GATA4: variants seen among roughly 807,000 people sequenced by gnomAD.
The protein encoded by GATA4 is GATA binding protein 4, also known as transcription factor GATA-4.
Under a neutral mutation model 37.9 loss-of-function variants are expected in GATA4, and 7 were observed. That is an observed-to-expected ratio of 0.18 (90% CI 0.11 to 0.35). The LOEUF is 0.35. GATA4 is among the 10% of genes least tolerant of loss of function. GATA4 has a pLI of 1.00. For synonymous variants in GATA4, 372 were observed against 292.6 expected, an observed-to-expected ratio of 1.27 and a Z score of -2.77; for missense variants, 647 against 653.0, an observed-to-expected ratio of 0.99 and a Z score of 0.10.
At chr8:11,746,476 G>C (rs1468019538) in intron 2 of GATA4, among the ~76,000 whole-genome samples, 1 of 152,240 alleles carries the variant, frequency 6.6e-6, no homozygotes, top group Admixed American at 6.5e-5. Flanking sequence ...ATTCAGGCTA[G>C]ACCGCGTGTC....
chr8:11,736,486 G>T (rs536412481), intron 2 of GATA4, among the ~76,000 whole-genome samples: 3 of 152,322 alleles, frequency 2.0e-5, no homozygotes, highest in African/African-American at 7.2e-5. Flanking sequence ...TGATAGCGAA[G>T]CCAGGGGCGG....
At chr8:11,687,713 C>G (rs756889245), upstream of GATA4, among the ~76,000 whole-genome samples, 2 of 152,146 alleles carry the variant, frequency 1.3e-5, no homozygotes, top group Non-Finnish European at 2.9e-5. Flanking sequence ...TGCTGCCTCC[C>G]TCACCCTCCA....
At chr8:11,713,637 CA>C (rs375905844) in intron 2 of GATA4, among the ~76,000 whole-genome samples, 1,719 of 104,716 alleles carry the variant, frequency 0.016, 22 homozygotes, top group African/African-American at 0.044. Context: ...TTCTGAAAAG[CA>C]AAAAAAAAAA....
chr8:11,710,875 A>C (rs1800151806), intron 2 of GATA4, among the ~76,000 whole-genome samples: 1 of 152,152 alleles, frequency 6.6e-6, no homozygotes, highest in African/African-American at 2.4e-5. Flanking sequence ...TAATCCCAGC[A>C]CTTTGGGAGG....
At chr8:11,725,841 C>T (rs187410099) in intron 2 of GATA4, among the ~76,000 whole-genome samples, 69 of 152,002 alleles carry the variant, frequency 4.5e-4, no homozygotes, top group African/African-American at 1.3e-3. Context: ...AAGCCAGTGG[C>T]GGGAAAGGGG....
Position 11,708,454 on chromosome 8 carries a change from G to A in GATA4, c.142G>A (p.Val48Met), listed in dbSNP as rs773581495. ...YVPTPRVPSS[V>M]LGLSYLQGGG... ...GCCCACACCGCGGGTGCCCTCCTCCGTGCTGGGCCTGTCCTACCTCCAGGG... is the reference window on the plus strand; with the variant it reads ...GCCCACACCGCGGGTGCCCTCCTCCATGCTGGGCCTGTCCTACCTCCAGGG... Residue 48 changes from valine (V) to methionine (M), a missense_variant, in exon 2 of 7, where the codon GTG (valine) becomes ATG (methionine). This residue lies in a region of GATA4 where 379 missense variants were observed against 334.5 expected (regional missense o/e 1.13). Transcript: ENST00000532059. The surrounding 1 kb of genome is among the most constrained non-coding windows in gnomAD (Gnocchi z 6.7). The A allele has an allele frequency of 9.8e-6, 15 of 1,532,004 alleles. No individual in the cohort carries two copies. Among genetic ancestry groups the A allele is most frequent in the Non-Finnish European group, 1.3e-5 (15 of 1,145,288 alleles). 94.9% of individuals were successfully genotyped at this position (1,532,004 alleles called of 1,614,324 possible). A position where few individuals can be genotyped will look rare whatever the true frequency, so the allele number is the denominator to read the frequency against.
Position 11,708,661 on chromosome 8 carries a change from C to T in GATA4, c.349C>T (p.Leu117=). ...RFSFPGTTGS[L]AAAAAAAAAR... ...CTCCTTCCCGGGGACCACCGGGTCCCTGGCGGCCGCCGCCGCCGCTGCCGC... is the reference window on the plus strand; with the variant it reads ...CTCCTTCCCGGGGACCACCGGGTCCTTGGCGGCCGCCGCCGCCGCTGCCGC... Residue 117 remains leucine (L), a synonymous_variant, in exon 2 of 7, where the codon CTG becomes TTG. Transcript: ENST00000532059. The surrounding 1 kb of genome is among the most constrained non-coding windows in gnomAD (Gnocchi z 6.7). 1 of 1,300,526 alleles carries T rather than the reference C, an allele frequency of 7.7e-7. No individual in the cohort carries two copies. The highest frequency in any genetic ancestry group is 9.7e-7 in the Non-Finnish European group (1 of 1,026,988). 80.6% of individuals were successfully genotyped at this position (1,300,526 alleles called of 1,614,324 possible). A position where few individuals can be genotyped will look rare whatever the true frequency, so the allele number is the denominator to read the frequency against.
chr8:11,685,057 C>T (rs1423480755), intron 1 of GATA4, among the ~76,000 whole-genome samples: 1 of 152,130 alleles, frequency 6.6e-6, no homozygotes, highest in African/African-American at 2.4e-5. Context: ...CTTTACTTAG[C>T]AAAGTTTATA....
intron 2 of GATA4, among the ~76,000 whole-genome samples, chr8:11,725,152 G>A (rs1800856382): frequency 6.6e-6 from 1 of 152,250 alleles, no homozygotes; most frequent in African/African-American, 2.4e-5. Flanking sequence ...CTGTGGGGCT[G>A]GGGTAGAGAT....
At position 11,758,537 on chromosome 8, in the gene GATA4, G is replaced by A; in HGVS notation, c.*62G>A. ...TGGGACTTGGAGGATAGCAAAGAAG[G>A]AGGCCCTGGGCTCCCAGGGGCCGGC... On this transcript the variant is annotated 3_prime_UTR_variant, in exon 7 of 7. Coordinates refer to ENST00000532059, the MANE Select transcript of GATA4 (RefSeq NM_001308093.3). 1 of 1,564,678 alleles carries A rather than the reference G, an allele frequency of 6.4e-7. No homozygotes were observed. The highest frequency in any genetic ancestry group is 8.8e-7 in the Non-Finnish European group (1 of 1,135,450).
chr8:11,680,697 C>A (rs1006644173), intron 1 of GATA4: 5 of 985,282 alleles, frequency 5.1e-6, no homozygotes, highest in Admixed American at 6.1e-5. Context: ...TTGGGGAGAC[C>A]GGAATCCTCC....
chr8:11,720,838 G>T (rs546588022), intron 2 of GATA4, among the ~76,000 whole-genome samples: 3 of 151,926 alleles, frequency 2.0e-5, no homozygotes, highest in Admixed American at 2.0e-4. Flanking sequence ...GGTGCTCTGA[G>T]TTTCCTGCTG....
At chr8:11,692,224 G>T (rs1799336791), upstream of GATA4, among the ~76,000 whole-genome samples, 1 of 152,202 alleles carries the variant, frequency 6.6e-6, no homozygotes. Context: ...GAGGGAGGAA[G>T]GTGGAACTGG....
At chr8:11,702,518 G>A (rs1200655136), upstream of GATA4, among the ~76,000 whole-genome samples, 1 of 151,374 alleles carries the variant, frequency 6.6e-6, no homozygotes, top group African/African-American at 2.4e-5. This position sits in a 1 kb window ranked among gnomAD's most constrained non-coding sequence, Gnocchi z 4.4. Flanking sequence ...CAGGGAGTCT[G>A]CTTCCTTCTC....
At chr8:11,689,066 G>T (rs75922100), upstream of GATA4, among the ~76,000 whole-genome samples, 3,152 of 152,202 alleles carry the variant, frequency 0.021, 105 homozygotes, top group East Asian at 0.11. Context: ...CAAAGCAGCG[G>T]CAAATCCAAT....
upstream of GATA4, chr8:11,700,493 C>T (rs1414619685): frequency 1.3e-5 from 2 of 152,278 alleles, no homozygotes; most frequent in African/African-American, 2.4e-5. Context: ...AATTCGTTCT[C>T]CATTTTTCCT....
intron 2 of GATA4, among the ~76,000 whole-genome samples, chr8:11,726,984 A>C (rs149732310): frequency 6.6e-6 from 1 of 151,046 alleles, no homozygotes; most frequent in African/African-American, 2.4e-5. Flanking sequence ...TTTCCCTCCA[A>C]CTCACTTTGT....
intron 2 of GATA4, among the ~76,000 whole-genome samples, chr8:11,729,642 G>C (rs933239741): frequency 2.6e-5 from 4 of 151,938 alleles, no homozygotes; most frequent in African/African-American, 9.7e-5. Context: ...TTCTGAGAAA[G>C]CCCTCACAGC....
chr8:11,737,690 A>AG (rs1280932471), intron 2 of GATA4, among the ~76,000 whole-genome samples: 1 of 152,226 alleles, frequency 6.6e-6, no homozygotes, highest in African/African-American at 2.4e-5. Context: ...AGCAAAGCTG[A>AG]GGACCCACTT....
Sources: allele counts gnomAD v4.1 joint callset (sites outside exome capture counted in the v4.1 genomes callset), GRCh38; gene constraint gnomAD v4.1.1; regional missense constraint gnomAD v4.1.1; non-coding constraint Gnocchi (gnomAD v3.1); transcripts MANE v1.5; gene names NCBI Gene and HGNC (gene_info 2026-07-23, HGNC 2026-07-21).